Variants in DNAH14 observed in about 807,000 individuals in gnomAD.
The protein encoded by DNAH14 is dynein axonemal heavy chain 14, also known as axonemal beta dynein heavy chain 14.
In DNAH14, 478 loss-of-function variants were observed where a neutral mutation model predicts 520.9. That is an observed-to-expected ratio of 0.92 (90% CI 0.85 to 0.99). The LOEUF is 0.99. DNAH14 is among the 50% of genes least tolerant of loss of function. The pLI is 0.00. For synonymous variants in DNAH14, 1,581 were observed against 1,757.2 expected (o/e 0.90, Z 2.51); for missense variants, 4,831 against 5,234.5 (o/e 0.92, Z 2.38).
chr1:225,287,925 C>T (rs1386160178), intron 54 of DNAH14, among the ~76,000 whole-genome samples: 2 of 151,942 alleles, frequency 1.3e-5, no homozygotes, highest in African/African-American at 4.8e-5. Context: ...AAATAATAAT[C>T]CAAAGTGTAT....
chr1:225,025,920 A>T (rs1034646044), intron 11 of DNAH14, among the ~76,000 whole-genome samples: 1 of 152,062 alleles, frequency 6.6e-6, no homozygotes, highest in East Asian at 1.9e-4. Context: ...ACATCTTTGC[A>T]TGTGCTTTTT....
At chr1:225,043,239 G>A in intron 13 of DNAH14, 125 bp downstream of exon 13, 1 of 619,850 alleles carries the variant, frequency 1.6e-6, no homozygotes, top group Non-Finnish European at 2.5e-6. Flanking sequence ...AGACCAGCCT[G>A]GGCAACACAG....
intron 15 of DNAH14, among the ~76,000 whole-genome samples, chr1:225,049,524 G>A (rs567009286): frequency 3.9e-5 from 6 of 152,018 alleles, no homozygotes; most frequent in East Asian, 3.9e-4. Flanking sequence ...CTTTCACAGC[G>A]CTAAACTACT....
intron 22 of DNAH14, among the ~76,000 whole-genome samples, chr1:225,098,530 A>G (rs1254802561): frequency 1.3e-5 from 2 of 152,210 alleles, no homozygotes; most frequent in Non-Finnish European, 2.9e-5. Context: ...TTTATTTTGG[A>G]GACAAAGGGA....
At chr1:225,309,338 T>C (rs949291280) in intron 60 of DNAH14, among the ~76,000 whole-genome samples, 1 of 145,288 alleles carries the variant, frequency 6.9e-6, no homozygotes, top group Non-Finnish European at 1.5e-5. Context: ...CTTTCAGACA[T>C]CTTTTTAAGC....
intron 52 of DNAH14, among the ~76,000 whole-genome samples, chr1:225,273,379 C>G (rs1444155569): frequency 1.3e-5 from 2 of 152,092 alleles, no homozygotes; most frequent in Non-Finnish European, 1.5e-5. Flanking sequence ...TGCAGTGAGC[C>G]GATGAGCCGA....
At chr1:224,998,773 C>T (rs915683415) in intron 8 of DNAH14, among the ~76,000 whole-genome samples, 23 of 152,086 alleles carry the variant, frequency 1.5e-4, no homozygotes, top group African/African-American at 5.6e-4. Flanking sequence ...CTGCTTAGAT[C>T]CACTTGGTAG....
At chr1:225,371,129 C>A (rs1468411782) in intron 77 of DNAH14, among the ~76,000 whole-genome samples, 1 of 152,016 alleles carries the variant, frequency 6.6e-6, no homozygotes, top group East Asian at 1.9e-4. Context: ...TTTATGAAAC[C>A]AGCATAGTTT....
At chr1:225,240,260 T>C (rs1482606859) in intron 42 of DNAH14, among the ~76,000 whole-genome samples, 2 of 150,214 alleles carry the variant, frequency 1.3e-5, no homozygotes, top group African/African-American at 4.9e-5. Flanking sequence ...AGCATATATA[T>C]GTATATTAAA....
At chr1:225,265,459 T>C in intron 48 of DNAH14, 90 bp downstream of exon 48, 4 of 1,138,924 alleles carry the variant, frequency 3.5e-6, no homozygotes, top group Non-Finnish European at 4.8e-6. Context: ...AGAAAAATAT[T>C]TGTGTAACAC....
At chr1:225,269,789 G>C (rs1031806048) in intron 49 of DNAH14, among the ~76,000 whole-genome samples, 1 of 152,170 alleles carries the variant, frequency 6.6e-6, no homozygotes, top group African/African-American at 2.4e-5. Context: ...TCTCACACCA[G>C]TTAGAATGGC....
chr1:225,265,238 G>T lies in DNAH14; in HGVS notation c.7279G>T (p.Asp2427Tyr). Residue 2427 changes from aspartate to tyrosine, a missense_variant, in exon 48 of 86, where the codon GAT (aspartate) becomes TAT (tyrosine). Transcript: ENST00000682510. ...RTNKKLLKNN[D>Y]HKGVVVSTIN... ...TAATAAAAAGTTACTTAAAAATAAT[G>T]ATCATAAAGGAGTTGTAGTCTCTAC... 3.3e-6 allele frequency: 5 copies of T among 1,518,924 alleles called. No individual in the cohort carries two copies. The highest frequency in any genetic ancestry group is 4.4e-6 in the Non-Finnish European group (5 of 1,136,594). 94.1% of individuals were successfully genotyped at this position (1,518,924 alleles called of 1,614,324 possible). A position where few individuals can be genotyped will look rare whatever the true frequency, so the allele number is the denominator to read the frequency against.
intron 17 of DNAH14, among the ~76,000 whole-genome samples, chr1:225,053,738 G>A (rs938746912): frequency 6.6e-6 from 1 of 152,114 alleles, no homozygotes; most frequent in African/African-American, 2.4e-5. Flanking sequence ...CAACAGGGTG[G>A]GCAGCAATGC....
At chr1:224,938,833 C>T (rs1451299966) in intron 1 of DNAH14, among the ~76,000 whole-genome samples, 1 of 152,064 alleles carries the variant, frequency 6.6e-6, no homozygotes, top group Non-Finnish European at 1.5e-5. Flanking sequence ...GGTATATATA[C>T]AAAATGGAAT....
chr1:225,128,457 G>C (rs1439402709), intron 27 of DNAH14, among the ~76,000 whole-genome samples: 1 of 152,088 alleles, frequency 6.6e-6, no homozygotes, highest in Non-Finnish European at 1.5e-5. Context: ...ACATCAAAAA[G>C]CTTCTCCACC....
chr1:224,946,860 A>T (rs1325681221), intron 1 of DNAH14, among the ~76,000 whole-genome samples: 8 of 105,828 alleles, frequency 7.6e-5, no homozygotes, highest in East Asian at 2.6e-4. Context: ...TCCTAGCTGG[A>T]TTATTTTTCC....
chr1:225,001,705 G>C (rs1045305155), intron 8 of DNAH14, among the ~76,000 whole-genome samples: 14 of 152,076 alleles, frequency 9.2e-5, no homozygotes, highest in Admixed American at 8.5e-4. Context: ...TGAATAATGT[G>C]AGTTTATTAT....
intron 8 of DNAH14, among the ~76,000 whole-genome samples, chr1:224,986,482 C>T (rs1012641243): frequency 1.3e-5 from 2 of 152,034 alleles, no homozygotes; most frequent in Non-Finnish European, 2.9e-5. Context: ...GATAGTTCAA[C>T]ATATCAACAT....
rs115900487 is a variant in DNAH14, at chr1:225,003,392, G to A, written c.975+465G>A. On this transcript the variant is annotated intron_variant, in intron 9 of 85. Transcript: ENST00000682510. ...GCTCTTTTGAGTGGTTAAGTACCTA[G>A]AACTAATTAAGTCTACAATTGAACA... Among the ~76,000 whole-genome samples the A allele has an allele frequency of 4.6e-3, 707 of 152,066 alleles. 4 individuals carry two copies. The highest frequency in any genetic ancestry group is 0.016 in the African/African-American group (665 of 41,518).
Sources: allele counts gnomAD v4.1 joint callset (sites outside exome capture counted in the v4.1 genomes callset), GRCh38; gene constraint gnomAD v4.1.1; transcripts MANE v1.5; gene names NCBI Gene and HGNC (gene_info 2026-07-23, HGNC 2026-07-21).